The following KATNIP variants were observed in gnomAD, a reference collection of about 807,000 sequenced individuals.
KATNIP encodes katanin-interacting protein.
Under a neutral mutation model 174.0 loss-of-function variants are expected in KATNIP, and 126 were observed. That is an observed-to-expected ratio of 0.72 (90% confidence interval 0.63 to 0.84). The LOEUF is 0.84. Ranked by LOEUF, KATNIP falls within the 40% of genes least tolerant of loss-of-function variation. KATNIP has a pLI of 0.00. For missense variants in KATNIP, 1,958 were observed against 2,109.7 expected (o/e 0.93, Z 1.41); for synonymous variants, 810 against 835.7 (o/e 0.97, Z 0.53).
At position 27,698,308 on chromosome 16, in the gene KATNIP, C is replaced by T. The variant is rs2078985022; in HGVS notation, c.941-20C>T. On this transcript the variant is annotated intron_variant, in intron 8 of 27. Coordinates refer to ENST00000261588, the MANE Select transcript of KATNIP (RefSeq NM_015202.5). ...CGAGAATATAATCTAAAAGAACGTC[C>T]CCCTGTCTTCTGCCCTCAGGACCTG... 8 of 1,594,960 alleles carry T rather than the reference C, an allele frequency of 5.0e-6. No individual in the cohort carries two copies. The highest frequency in any genetic ancestry group is 6.8e-6 in the Non-Finnish European group (8 of 1,168,146).
At chr16:27,569,827 T>G (rs2090221589) in intron 1 of KATNIP, among the ~76,000 whole-genome samples, 1 of 152,244 alleles carries the variant, frequency 6.6e-6, no homozygotes. Context: ...ATAAGCAAAT[T>G]ATTTTCCGAT....
chr16:27,763,619 C>CAAAAAAAAAAAAAA (rs565418198), intron 19 of KATNIP, among the ~76,000 whole-genome samples: 9 of 50,342 alleles, frequency 1.8e-4, no homozygotes, highest in African/African-American at 3.5e-4. Flanking sequence ...TGTCTCAACA[C>CAAAAAAAAAAAAAA]AAAAAAAAAA....
At chr16:27,590,697 T>A (rs1454893919) in intron 2 of KATNIP, among the ~76,000 whole-genome samples, 1 of 152,162 alleles carries the variant, frequency 6.6e-6, no homozygotes, top group Non-Finnish European at 1.5e-5. Flanking sequence ...TCTCCATCAA[T>A]CTCTTTGACC....
intron 2 of KATNIP, among the ~76,000 whole-genome samples, chr16:27,583,948 G>A (rs1239033097): frequency 1.3e-5 from 2 of 152,140 alleles, no homozygotes; most frequent in Non-Finnish European, 2.9e-5. Context: ...GTAGAGGCCA[G>A]ATGGCATGGT....
intron 18 of KATNIP, among the ~76,000 whole-genome samples, chr16:27,759,695 G>A (rs1181648701): frequency 6.6e-6 from 1 of 152,170 alleles, no homozygotes; most frequent in Non-Finnish European, 1.5e-5. Flanking sequence ...GCCTCGCATG[G>A]CAGTCTCAAG....
chr16:27,651,822 C>T (rs956110818), intron 6 of KATNIP, among the ~76,000 whole-genome samples: 1 of 152,212 alleles, frequency 6.6e-6, no homozygotes, highest in Non-Finnish European at 1.5e-5. Context: ...AGGGTTCAAG[C>T]GATTCTCCAG....
rs1471578272 is a variant in KATNIP, at chr16:27,778,590, C to G, written c.4818C>G (p.Thr1606=). 2 of 1,613,822 alleles carry G rather than the reference C, an allele frequency of 1.2e-6. No individual in the cohort carries two copies. Among genetic ancestry groups the G allele is most frequent in the South Asian group, 2.2e-5 (2 of 91,030 alleles). The change falls in exon 28 of 28, where the codon ACC becomes ACG. Residue 1606 remains threonine, a synonymous_variant. Transcript: ENST00000261588. The part of the protein sequence containing the change: ...SVVDPALRPK[T]CISEKETRRR... ...TCATGACAGCCTTACGTCCCAAAAC[C>G]TGCATCAGCGAGAAGGAGACGAGAC...
At chr16:27,551,750 G>A (rs2089381873) in intron 1 of KATNIP, among the ~76,000 whole-genome samples, 1 of 151,772 alleles carries the variant, frequency 6.6e-6, no homozygotes, top group Admixed American at 6.6e-5. Flanking sequence ...GGTGACACAT[G>A]TCTGTAATCC....
At chr16:27,682,890 GGAA>G (rs2078400011) in intron 8 of KATNIP, among the ~76,000 whole-genome samples, 1 of 152,094 alleles carries the variant, frequency 6.6e-6, no homozygotes, top group African/African-American at 2.4e-5. Context: ...TGGTTTTATA[GGAA>G]GAAGAAGAGA....
In KATNIP at chr16:27,655,218, A is replaced by T. The variant is rs1377411982; in HGVS notation, c.540+6483A>T. Among the ~76,000 whole-genome samples the T allele has an allele frequency of 8.0e-4, 87 of 108,936 alleles. 3 individuals carry two copies. Among genetic ancestry groups the T allele is most frequent in the African/African-American group, 3.5e-3 (84 of 23,802 alleles). The allele number at this position is 108,936 out of a possible 152,430, so 71.5% of individuals were successfully genotyped here. Reference sequence around the variant, plus strand: ...TATATATATATATATATATATATATATATATATATATTTTGTTTGTTTGTT... The same window carrying T: ...TATATATATATATATATATATATATTTATATATATATTTTGTTTGTTTGTT... On this transcript the variant is annotated intron_variant, in intron 6 of 27. Coordinates refer to ENST00000261588, the MANE Select transcript of KATNIP (RefSeq NM_015202.5).
At chr16:27,720,098 CTGTT>C (rs539636629) in intron 13 of KATNIP, among the ~76,000 whole-genome samples, 61 of 152,080 alleles carry the variant, frequency 4.0e-4, no homozygotes, top group African/African-American at 9.9e-4. Context: ...AGTCTCTTCT[CTGTT>C]TGTTTGTTTG....
rs921487068 is a variant in KATNIP at position 27,721,563 on chromosome 16, G to C, written c.1611G>C (p.Lys537Asn). ...TTCTCTTGCTGGCCTTCTAGGGCAA[G>C]AAAGACTCCTCCCCGTGGACCTGCC... Reference protein sequence around the residue: ...GRLVNRNLAGKKDSSPWTCPF... With the variant: ...GRLVNRNLAGNKDSSPWTCPF... The change falls in exon 14 of 28, where the codon AAG (lysine) becomes AAC (asparagine). Residue 537 changes from lysine to asparagine, a missense_variant. By Grantham distance (94) the Lys-to-Asn change is moderately conservative. Transcript: ENST00000261588. 9.3e-6 allele frequency: 15 copies of C among 1,614,034 alleles called. No homozygotes were observed. The highest frequency in any genetic ancestry group is 5.0e-5 in the Admixed American group (3 of 60,000).
chr16:27,572,670 A>C (rs1229378109), intron 1 of KATNIP, among the ~76,000 whole-genome samples: 1 of 152,170 alleles, frequency 6.6e-6, no homozygotes, highest in Non-Finnish European at 1.5e-5. Context: ...GATTATGTAT[A>C]ATCATGGCTG....
At chr16:27,686,259 G>A (rs1240987513) in intron 8 of KATNIP, among the ~76,000 whole-genome samples, 1 of 152,136 alleles carries the variant, frequency 6.6e-6, no homozygotes, top group African/African-American at 2.4e-5. Context: ...ATCTGGGGTC[G>A]GGGAGGGATG....
intron 21 of KATNIP, 30 bp from the exon 22 acceptor site, chr16:27,771,558 T>G (rs780111157): frequency 3.7e-6 from 6 of 1,607,108 alleles, no homozygotes; most frequent in Non-Finnish European, 5.1e-6. Flanking sequence ...GTCGTGAGCT[T>G]CTTCATGGTG....
chr16:27,709,610 G>A (rs1253399087), intron 13 of KATNIP, among the ~76,000 whole-genome samples: 1 of 152,186 alleles, frequency 6.6e-6, no homozygotes, highest in Non-Finnish European at 1.5e-5. Flanking sequence ...CTGCATTCCA[G>A]CCTGGGTGAC....
intron 6 of KATNIP, among the ~76,000 whole-genome samples, chr16:27,657,866 TGCCACG>T (rs1443287787): frequency 2.0e-5 from 3 of 152,234 alleles, no homozygotes; most frequent in East Asian, 3.9e-4. Flanking sequence ...GCCGAGATCA[TGCCACG>T]GCACTCCAGC....
At chr16:27,642,735 C>T (rs1452916055) in intron 5 of KATNIP, among the ~76,000 whole-genome samples, 1 of 151,898 alleles carries the variant, frequency 6.6e-6, no homozygotes, top group Non-Finnish European at 1.5e-5. Context: ...CTCTATAGCC[C>T]AGGCTGGACA....
chr16:27,589,597 A>G (rs1596822252), intron 2 of KATNIP, among the ~76,000 whole-genome samples: 1 of 152,154 alleles, frequency 6.6e-6, no homozygotes, highest in Admixed American at 6.5e-5. Context: ...AACATCTGAG[A>G]CAGCCTGTCT....
Sources: allele counts gnomAD v4.1 joint callset (sites outside exome capture counted in the v4.1 genomes callset), GRCh38; gene constraint gnomAD v4.1.1; transcripts MANE v1.5; gene names NCBI Gene and HGNC (gene_info 2026-07-23, HGNC 2026-07-21).